SCN8A: variants seen among roughly 807,000 people sequenced by gnomAD.
SCN8A encodes sodium voltage-gated channel alpha subunit 8, also known as sodium channel protein type 8 subunit alpha.
SCN8A carries 30 observed loss-of-function variants against 184.1 expected under a neutral mutation model. The observed-to-expected ratio is 0.16, with a 90% CI of 0.12 to 0.22. SCN8A has a LOEUF of 0.22. SCN8A is among the 10% of genes least tolerant of loss of function. SCN8A has a pLI of 1.00. For synonymous variants in SCN8A, 852 were observed against 907.0 expected (o/e 0.94, Z 1.09); for missense variants, 1,057 against 2,498.9 (o/e 0.42, Z 12.30).
At chr12:51,787,004 T>C (rs1443267568) in intron 22 of SCN8A, among the ~76,000 whole-genome samples, 178 bp downstream of exon 22, 1 of 152,230 alleles carries the variant, frequency 6.6e-6, no homozygotes, top group African/African-American at 2.4e-5. Flanking sequence ...GAGTATTCTC[T>C]GACTTCTACA....
intron 20 of SCN8A, among the ~76,000 whole-genome samples, chr12:51,776,640 C>T (rs1396044655): frequency 6.6e-6 from 1 of 152,228 alleles, no homozygotes; most frequent in Non-Finnish European, 1.5e-5. Context: ...ACAGTGGCTC[C>T]AATCGCTGCC....
chr12:51,812,016 G>A lies in SCN8A; in HGVS notation c.*4587G>A, dbSNP rs1010635929. 6.6e-6 allele frequency: 1 copy of A among 152,226 alleles called. No homozygotes were observed. The highest frequency in any genetic ancestry group is 1.5e-5 in the Non-Finnish European group (1 of 68,058). The allele number at this position is 152,226 out of a possible 1,614,324, so 9.4% of individuals were successfully genotyped here. On this transcript the variant is annotated 3_prime_UTR_variant, in exon 27 of 27. Coordinates refer to ENST00000627620, the MANE Select transcript of SCN8A (RefSeq NM_001330260.2). ...CCAGGGGGACATCAGGAGAGAAGAG[G>A]AAGTCTGGGTTGGGAGGGGCCCAAG...
intron 6 of SCN8A, among the ~76,000 whole-genome samples, chr12:51,698,004 C>A (rs1361089288): frequency 6.6e-6 from 1 of 152,178 alleles, no homozygotes; most frequent in Non-Finnish European, 1.5e-5. Flanking sequence ...CAGGCGTATG[C>A]CACCACACCT....
At chr12:51,644,825 G>A (rs1307347089) in intron 1 of SCN8A, among the ~76,000 whole-genome samples, 1 of 152,048 alleles carries the variant, frequency 6.6e-6, no homozygotes, top group Non-Finnish European at 1.5e-5. Flanking sequence ...CATCTGGGAA[G>A]TGAGGAGCAT....
chr12:51,621,072 G>C (rs1201197948), intron 1 of SCN8A, among the ~76,000 whole-genome samples: 1 of 152,208 alleles, frequency 6.6e-6, no homozygotes, highest in East Asian at 1.9e-4. Flanking sequence ...AATGGCTTCA[G>C]TGGGGCTGGC....
intron 6 of SCN8A, among the ~76,000 whole-genome samples, chr12:51,693,936 C>T (rs1410485373): frequency 6.6e-6 from 1 of 152,080 alleles, no homozygotes; most frequent in Non-Finnish European, 1.5e-5. Flanking sequence ...TTTATTTATA[C>T]ATATATATTT....
intron 26 of SCN8A, among the ~76,000 whole-genome samples, chr12:51,797,057 G>A (rs1355433034): frequency 6.6e-6 from 1 of 152,128 alleles, no homozygotes; most frequent in African/African-American, 2.4e-5. Context: ...GTAACACCCA[G>A]AAACGATACT....
chr12:51,769,382 C>T, intron 17 of SCN8A, 47 bp downstream of exon 17: 10 of 1,390,886 alleles, frequency 7.2e-6, no homozygotes, highest in Non-Finnish European at 9.9e-6. Flanking sequence ...TGAGAGCAAA[C>T]AGGGTGCTGT....
intron 11 of SCN8A, among the ~76,000 whole-genome samples, chr12:51,715,064 A>G (rs1279818308): frequency 6.6e-6 from 1 of 152,212 alleles, no homozygotes; most frequent in East Asian, 1.9e-4. Context: ...AGCCCTCAGG[A>G]TGTAGCTCCT....
chr12:51,704,321 T>C (rs1941741710), intron 9 of SCN8A, among the ~76,000 whole-genome samples: 1 of 152,156 alleles, frequency 6.6e-6, no homozygotes, highest in African/African-American at 2.4e-5. Context: ...CATATTGTCA[T>C]ATCCTTTTAA....
intron 1 of SCN8A, among the ~76,000 whole-genome samples, chr12:51,619,749 A>G (rs7302828): frequency 0.24 from 36,426 of 152,122 alleles, 5,833 homozygotes; most frequent in African/African-American, 0.44. Flanking sequence ...AAAGAATATC[A>G]TAAAATGACT....
chr12:51,762,508 C>T lies in SCN8A; in HGVS notation c.2376C>T (p.Phe792=), dbSNP rs746249401. ...EHVLAVGNLV[F]TGIFTAEMFL... The stretch of plus-strand genomic sequence containing the variant: ...CCCTGCATCCCCCTATTTAGGTTTT[C>T]ACTGGAATTTTCACAGCGGAAATGT... The change falls in exon 15 of 27, where the codon TTC becomes TTT. Residue 792 remains phenylalanine, a synonymous_variant. Coordinates refer to ENST00000627620, the MANE Select transcript of SCN8A (RefSeq NM_001330260.2). 3 of 1,613,060 alleles carry T rather than the reference C, an allele frequency of 1.9e-6. No individual in the cohort carries two copies. Among genetic ancestry groups the T allele is most frequent in the Admixed American group, 1.7e-5 (1 of 59,842 alleles).
chr12:51,748,250 A>G (rs1942544130), intron 13 of SCN8A, among the ~76,000 whole-genome samples: 1 of 152,228 alleles, frequency 6.6e-6, no homozygotes, highest in Non-Finnish European at 1.5e-5. Context: ...CTTTGACATT[A>G]TTTTAATCCA....
chr12:51,687,334 G>A, intron 5 of SCN8A, 115 bp downstream of exon 5: 3 of 1,211,844 alleles, frequency 2.5e-6, no homozygotes, highest in Non-Finnish European at 3.5e-6. Context: ...AGGAATTAAT[G>A]GATAACCATG....
intron 13 of SCN8A, among the ~76,000 whole-genome samples, chr12:51,746,585 A>G (rs1341160430): frequency 1.3e-5 from 2 of 152,238 alleles, no homozygotes; most frequent in African/African-American, 4.8e-5. Context: ...GTAAGTTGAA[A>G]CCCTTCTTAC....
intron 1 of SCN8A, among the ~76,000 whole-genome samples, chr12:51,592,288 A>G (rs1250175706): frequency 6.6e-6 from 1 of 151,596 alleles, no homozygotes; most frequent in Non-Finnish European, 1.5e-5. Context: ...CTCCATTGCC[A>G]GCAACAACCA....
chr12:51,709,500 A>G (rs1239681661), intron 11 of SCN8A, among the ~76,000 whole-genome samples: 2 of 152,232 alleles, frequency 1.3e-5, no homozygotes, highest in Non-Finnish European at 2.9e-5. Flanking sequence ...AGGCAGGGCC[A>G]TGATCAATGG....
intron 2 of SCN8A, among the ~76,000 whole-genome samples, chr12:51,683,872 G>A (rs1323942895): frequency 6.6e-6 from 1 of 152,186 alleles, no homozygotes; most frequent in East Asian, 1.9e-4. Context: ...ATGAACTTCA[G>A]TATCGTGTAC....
chr12:51,733,796 G>A (rs916223984), intron 12 of SCN8A, among the ~76,000 whole-genome samples: 5 of 152,158 alleles, frequency 3.3e-5, no homozygotes, highest in African/African-American at 1.2e-4. Flanking sequence ...GTTCAGTTTT[G>A]GTAGGTTGAA....
Sources: allele counts gnomAD v4.1 joint callset (sites outside exome capture counted in the v4.1 genomes callset), GRCh38; gene constraint gnomAD v4.1.1; transcripts MANE v1.5; gene names NCBI Gene and HGNC (gene_info 2026-07-23, HGNC 2026-07-21).